The following CLDN16 variants were observed in gnomAD, a reference collection of about 807,000 sequenced individuals.
CLDN16 encodes claudin 16.
Under a neutral mutation model 24.6 loss-of-function variants are expected in CLDN16, and 13 were observed. The ratio of observed to expected loss-of-function variants is 0.53; its 90% confidence interval spans 0.34 to 0.84. The LOEUF (loss-of-function observed/expected upper bound fraction) is 0.84. Among genes scored for constraint, CLDN16 ranks in the 40% least tolerant of loss-of-function variants. The pLI, the probability that CLDN16 is intolerant of heterozygous loss-of-function variation, is 0.01. For missense variants in CLDN16, 298 were observed against 292.7 expected (o/e 1.02, Z -0.13); for synonymous variants, 116 against 106.7 (o/e 1.09, Z -0.54).
intron 1 of CLDN16, among the ~76,000 whole-genome samples, chr3:190,399,082 A>G (rs1019416335): frequency 2.0e-5 from 3 of 152,222 alleles, no homozygotes; most frequent in Admixed American, 6.5e-5. Context: ...GGAGCATGCC[A>G]AGGTGAAGTT....
rs901678187 is a variant in CLDN16, at chr3:190,410,531, A to T, written c.*495A>T. On this transcript the variant is annotated 3_prime_UTR_variant, in exon 5 of 5. Transcript: ENST00000264734. ...TCTTTTAAATTCAAACTAGTATGTC[A>T]ATGCCTACCATTACTCTGATTATAT... 5.7e-5 allele frequency: 9 copies of T among 159,062 alleles called. No homozygotes were observed. Among genetic ancestry groups the T allele is most frequent in the African/African-American group, 1.9e-4 (8 of 41,484 alleles). The allele number at this position is 159,062 out of a possible 1,614,324, so 9.9% of individuals were successfully genotyped here. A position where few individuals can be genotyped will look rare whatever the true frequency, so the allele number is the denominator to read the frequency against.
chr3:190,293,068 G>T, the CLDN16 span, among the ~76,000 whole-genome samples: 1,962 of 152,150 alleles, frequency 0.013, 52 homozygotes, highest in African/African-American at 0.044. Flanking sequence ...AAAGAACTAC[G>T]AATTTTAAAG....
chr3:190,312,969 C>T, the CLDN16 span: 2 of 1,614,176 alleles, frequency 1.2e-6, no homozygotes, highest in African/African-American at 2.7e-5. Flanking sequence ...CAACGGTGGC[C>T]ACAAAGATTG....
the CLDN16 span, among the ~76,000 whole-genome samples, chr3:190,298,372 CA>C: frequency 6.6e-5 from 10 of 151,724 alleles, no homozygotes; most frequent in Non-Finnish European, 1.0e-4. Flanking sequence ...CACACACACA[CA>C]CACCTTAACA....
At chr3:190,305,877 T>C in the CLDN16 span, 2 of 152,206 alleles carry the variant, frequency 1.3e-5, no homozygotes, top group South Asian at 2.1e-4. Flanking sequence ...TTTTGGGCCA[T>C]AAAATTTTTT....
chr3:190,346,666 A>G (rs929591760), intron 1 of CLDN16, among the ~76,000 whole-genome samples: 5 of 152,140 alleles, frequency 3.3e-5, no homozygotes, highest in Admixed American at 3.3e-4. Context: ...AGATCAGGAT[A>G]CCAGTAAGGT....
In CLDN16 at chr3:190,388,328, C is replaced by A; in HGVS notation, c.-2C>A. The A allele has an allele frequency of 3.1e-6, 5 of 1,614,116 alleles. No homozygotes were observed. Among genetic ancestry groups the A allele is most frequent in the Non-Finnish European group, 4.2e-6 (5 of 1,180,018 alleles). On this transcript the variant is annotated 5_prime_UTR_variant, in exon 1 of 5. Transcript: ENST00000264734. ...TGCCATCCTGATGGGCTGCTTGCCA[C>A]AATGAGGGATCTTCTTCAATACATC... is the stretch of plus-strand genomic sequence containing the variant.
chr3:190,304,003 T>C, the CLDN16 span, among the ~76,000 whole-genome samples: 5 of 152,188 alleles, frequency 3.3e-5, no homozygotes, highest in East Asian at 9.6e-4. Flanking sequence ...CAGAAAATGT[T>C]TGGGACAAGG....
intron 2 of CLDN16, among the ~76,000 whole-genome samples, chr3:190,403,656 C>T (rs1037861498): frequency 6.6e-6 from 1 of 152,172 alleles, no homozygotes. Context: ...CAGAGGAAAG[C>T]ACTTAAAAAC....
At chr3:190,355,597 T>C (rs2108638034) in intron 1 of CLDN16, among the ~76,000 whole-genome samples, 1 of 152,020 alleles carries the variant, frequency 6.6e-6, no homozygotes, top group South Asian at 2.1e-4. Context: ...ATGTGTGATT[T>C]ATGGACTTTA....
the CLDN16 span, among the ~76,000 whole-genome samples, chr3:190,300,165 G>A: frequency 6.6e-6 from 1 of 152,186 alleles, no homozygotes; most frequent in Non-Finnish European, 1.5e-5. Context: ...GAGGGGTCGT[G>A]GGGGCGGGCA....
At chr3:190,371,848 T>C (rs1718148517) in intron 2 of CLDN16, among the ~76,000 whole-genome samples, 1 of 151,954 alleles carries the variant, frequency 6.6e-6, no homozygotes, top group Non-Finnish European at 1.5e-5. Flanking sequence ...CTTGGTTATG[T>C]AAATTGAGAG....
At chr3:190,342,789 C>A (rs1265825662) in intron 1 of CLDN16, among the ~76,000 whole-genome samples, 1 of 152,092 alleles carries the variant, frequency 6.6e-6, no homozygotes, top group Non-Finnish European at 1.5e-5. Flanking sequence ...TGGACCCTTC[C>A]AGCACACACA....
intron 1 of CLDN16, among the ~76,000 whole-genome samples, chr3:190,325,423 A>G (rs1379039463): frequency 2.6e-5 from 4 of 152,122 alleles, no homozygotes; most frequent in Admixed American, 2.6e-4. Flanking sequence ...GTCTCTTCTT[A>G]ATATCTGTTG....
the CLDN16 span, chr3:190,310,166 T>C: frequency 6.2e-7 from 1 of 1,612,148 alleles, no homozygotes; most frequent in Non-Finnish European, 8.5e-7. Context: ...TGAATAGCGT[T>C]ACCTGGCATT....
chr3:190,362,073 C>T (rs919166940), intron 1 of CLDN16, among the ~76,000 whole-genome samples: 2 of 145,494 alleles, frequency 1.4e-5, no homozygotes, highest in African/African-American at 2.5e-5. Flanking sequence ...AGCACCTCCT[C>T]ACCAGCTCAT....
intron 1 of CLDN16, among the ~76,000 whole-genome samples, chr3:190,368,504 T>C (rs1560089120): frequency 6.6e-6 from 1 of 151,992 alleles, no homozygotes; most frequent in East Asian, 1.9e-4. Flanking sequence ...TTGGGGGTAA[T>C]TTGTTACACA....
intron 1 of CLDN16, among the ~76,000 whole-genome samples, chr3:190,348,160 C>T (rs1374967508): frequency 5.5e-5 from 8 of 144,554 alleles, no homozygotes; most frequent in African/African-American, 2.1e-4. Context: ...GCGGCTGAGG[C>T]AGGAGAATTG....
chr3:190,314,542 G>A, the CLDN16 span, among the ~76,000 whole-genome samples: 2 of 149,840 alleles, frequency 1.3e-5, no homozygotes, highest in African/African-American at 2.5e-5. Flanking sequence ...CTGCAGGCAC[G>A]AACCACCATG....
Sources: allele counts gnomAD v4.1 joint callset (sites outside exome capture counted in the v4.1 genomes callset), GRCh38; gene constraint gnomAD v4.1.1; transcripts MANE v1.5; gene names NCBI Gene and HGNC (gene_info 2026-07-23, HGNC 2026-07-21).